The following ADAMTS6 variants were observed in gnomAD, a reference collection of about 807,000 sequenced individuals.
The protein encoded by ADAMTS6 is A disintegrin and metalloproteinase with thrombospondin motifs 6.
ADAMTS6 carries 23 observed loss-of-function variants against 144.3 expected under a neutral mutation model. The ratio of observed to expected loss-of-function variants is 0.16; its 90% CI spans 0.11 to 0.23. ADAMTS6 has a LOEUF of 0.23. Among genes scored for constraint, ADAMTS6 ranks in the 10% least tolerant of loss-of-function variants. The pLI, the probability that ADAMTS6 is intolerant of heterozygous loss-of-function variation, is 1.00. For synonymous variants in ADAMTS6, 444 were observed against 457.5 expected (o/e 0.97, Z 0.38); for missense variants, 999 against 1,379.6 (o/e 0.72, Z 4.37).
chr5:65,245,381 A>G (rs77792545), intron 14 of ADAMTS6, among the ~76,000 whole-genome samples: 2,792 of 152,140 alleles, frequency 0.018, 73 homozygotes, highest in African/African-American at 0.063. Context: ...TTGTAGCTCC[A>G]TCTTCAGGTA....
chr5:65,281,256 C>T (rs1762968384), intron 11 of ADAMTS6, among the ~76,000 whole-genome samples: 1 of 152,144 alleles, frequency 6.6e-6, no homozygotes, highest in African/African-American at 2.4e-5. Context: ...GCTACTTTCC[C>T]ATTTCTCTTA....
At chr5:65,282,821 A>G (rs1763089042) in intron 11 of ADAMTS6, among the ~76,000 whole-genome samples, 1 of 152,102 alleles carries the variant, frequency 6.6e-6, no homozygotes, top group African/African-American at 2.4e-5. Context: ...CGTGGCCTCA[A>G]CTAGATTTTC....
chr5:65,301,842 G>A (rs1039128120), intron 9 of ADAMTS6, among the ~76,000 whole-genome samples: 9 of 151,748 alleles, frequency 5.9e-5, no homozygotes, highest in Non-Finnish European at 8.8e-5. Context: ...TAATCCCAGC[G>A]CTTTGCGAGG....
chr5:65,393,291 T>A (rs775816813), intron 7 of ADAMTS6, among the ~76,000 whole-genome samples: 1 of 152,228 alleles, frequency 6.6e-6, no homozygotes, highest in Non-Finnish European at 1.5e-5. Flanking sequence ...TAAAAATGTG[T>A]ACCCCTAAAA....
rs148005596 is a variant in ADAMTS6, at chr5:65,437,355, A to C, written c.1073+14120T>G. Among the ~76,000 whole-genome samples, 612 of 152,060 alleles carry C rather than the reference A, an allele frequency of 4.0e-3. 2 individuals are homozygous for C. The highest frequency in any genetic ancestry group is 0.014 in the African/African-American group (587 of 41,450). On this transcript the variant is annotated intron_variant, in intron 7 of 24. Coordinates refer to ENST00000381055, the MANE Select transcript of ADAMTS6 (RefSeq NM_197941.4). ...GTGATCCACCTACCTCAGCCTCCCA[A>C]AGTGCTGGGATTACAGGTGTGAGCC...
chr5:65,162,658 CACT>C (rs1409680569), intron 24 of ADAMTS6, among the ~76,000 whole-genome samples: 4 of 146,118 alleles, frequency 2.7e-5, no homozygotes, highest in South Asian at 2.2e-4. Flanking sequence ...CACACACACA[CACT>C]TGCAGAGAGA....
chr5:65,156,610 C>T (rs536339471), intron 24 of ADAMTS6, among the ~76,000 whole-genome samples: 2 of 152,150 alleles, frequency 1.3e-5, no homozygotes, highest in Admixed American at 1.3e-4. Context: ...AAAAGAATTA[C>T]TTAGTTTCAG....
intron 4 of ADAMTS6, 107 bp from the exon 5 acceptor site, chr5:65,453,025 T>C (rs1041616667): frequency 2.4e-6 from 2 of 850,586 alleles, no homozygotes; most frequent in African/African-American, 3.4e-5. Context: ...TATTAAGATT[T>C]TTCAAAGAGA....
At chr5:65,193,740 T>C (rs906119454) in intron 21 of ADAMTS6, among the ~76,000 whole-genome samples, 9 of 152,132 alleles carry the variant, frequency 5.9e-5, no homozygotes, top group Non-Finnish European at 1.0e-4. Context: ...ATTTAGCATA[T>C]ATAATTATAA....
At chr5:65,452,625 T>C in intron 5 of ADAMTS6, 82 bp downstream of exon 5, 4 of 1,457,042 alleles carry the variant, frequency 2.7e-6, no homozygotes, top group Non-Finnish European at 3.7e-6. Flanking sequence ...TATCATTATT[T>C]ACTTCACAGC....
In ADAMTS6 at chr5:65,452,150, C is replaced by G; in HGVS notation, c.910G>C (p.Val304Leu). ...ATTCTTACCTGATCTTCTGTGAGAA[C>G]AATTAAGCGGGCCACTATAATATTC... ...VVNIIVARLI[V>L]LTEDQPNLEI... The change falls in exon 6 of 25, where the codon GTT becomes CTT. Residue 304 changes from valine to leucine, a missense_variant. Transcript: ENST00000381055. The G allele has an allele frequency of 6.2e-7, 1 of 1,609,876 alleles. No individual in the cohort carries two copies. Among genetic ancestry groups the G allele is most frequent in the Non-Finnish European group, 8.5e-7 (1 of 1,177,560 alleles).
intron 24 of ADAMTS6, among the ~76,000 whole-genome samples, chr5:65,160,521 G>T (rs888178678): frequency 6.6e-6 from 1 of 151,986 alleles, no homozygotes; most frequent in Admixed American, 6.6e-5. Flanking sequence ...AGGCAGGATG[G>T]TCTCAATCTC....
chr5:65,289,683 G>C (rs916229530), intron 11 of ADAMTS6, among the ~76,000 whole-genome samples: 7 of 152,124 alleles, frequency 4.6e-5, no homozygotes, highest in African/African-American at 9.6e-5. Flanking sequence ...TTATTTGAGA[G>C]AGAAAAAGAC....
At chr5:65,294,718 T>C (rs1234684261) in intron 10 of ADAMTS6, among the ~76,000 whole-genome samples, 1 of 152,156 alleles carries the variant, frequency 6.6e-6, no homozygotes, top group Admixed American at 6.6e-5. Flanking sequence ...CAGATATAGA[T>C]ACAGAGGTAG....
intron 9 of ADAMTS6, among the ~76,000 whole-genome samples, chr5:65,301,962 T>C (rs1743427278): frequency 6.6e-6 from 1 of 150,848 alleles, no homozygotes; most frequent in Non-Finnish European, 1.5e-5. Flanking sequence ...GGTGGTGGTG[T>C]GCTCCTGTAG....
intron 7 of ADAMTS6, among the ~76,000 whole-genome samples, chr5:65,407,444 C>A (rs1454081349): frequency 1.3e-5 from 2 of 150,616 alleles, no homozygotes; most frequent in Non-Finnish European, 3.0e-5. Flanking sequence ...CCCATTAACT[C>A]GTCATTTAGC....
chr5:65,384,155 A>G (rs919086562), intron 7 of ADAMTS6, among the ~76,000 whole-genome samples: 2 of 152,206 alleles, frequency 1.3e-5, no homozygotes, highest in Non-Finnish European at 2.9e-5. Context: ...CATTCTATCC[A>G]TACTAATCTC....
At chr5:65,360,915 C>A (rs1749768950) in intron 7 of ADAMTS6, among the ~76,000 whole-genome samples, 1 of 152,164 alleles carries the variant, frequency 6.6e-6, no homozygotes, top group Non-Finnish European at 1.5e-5. Flanking sequence ...GTTTACCATG[C>A]TTTTCTAATG....
At chr5:65,317,051 C>T (rs746822877) in intron 9 of ADAMTS6, among the ~76,000 whole-genome samples, 5 of 152,198 alleles carry the variant, frequency 3.3e-5, no homozygotes, top group African/African-American at 4.8e-5. Context: ...AATCTACCTG[C>T]CTTGGCCTCC....
Sources: allele counts gnomAD v4.1 joint callset (sites outside exome capture counted in the v4.1 genomes callset), GRCh38; gene constraint gnomAD v4.1.1; transcripts MANE v1.5; gene names NCBI Gene and HGNC (gene_info 2026-07-23, HGNC 2026-07-21).